HTR4: variants seen among roughly 807,000 people sequenced by gnomAD.
The protein encoded by HTR4 is 5-hydroxytryptamine (serotonin) receptor 4, G protein-coupled.
A neutral mutation model predicts 36.8 loss-of-function variants in HTR4; 16 were observed. The observed-to-expected ratio is 0.43, with a 90% CI of 0.29 to 0.66. The LOEUF is 0.66. HTR4 is among the 30% of genes least tolerant of loss of function. HTR4 has a pLI of 0.13. For missense variants in HTR4, 438 were observed against 490.9 expected (o/e 0.89, Z 1.02); for synonymous variants, 189 against 185.1 (o/e 1.02, Z -0.17).
At position 148,565,278 on chromosome 5, in the gene HTR4, T is replaced by C. The variant is rs115009298; in HGVS notation, c.27-15016A>G. On this transcript the variant is annotated intron_variant, in intron 2 of 6. Coordinates refer to ENST00000377888, the MANE Select transcript of HTR4 (RefSeq NM_000870.7). ...GGTCCTGGTCTTCTAGCTCACAATG[T>C]AGCAAGAAACTAAGCCTGATCAATG... 7.3e-3 allele frequency among the ~76,000 whole-genome samples: 1,115 copies of C among 152,252 alleles called. 20 individuals are homozygous for C. Among genetic ancestry groups the C allele is most frequent in the African/African-American group, 0.026 (1,061 of 41,544 alleles).
At chr5:148,551,163 C>T (rs1759665984) in intron 2 of HTR4, among the ~76,000 whole-genome samples, 1 of 152,166 alleles carries the variant, frequency 6.6e-6, no homozygotes, top group Admixed American at 6.5e-5. Context: ...CATACAGTTA[C>T]TTGGCCTGAA....
chr5:148,482,074 T>C lies in HTR4; in HGVS notation c.*1129A>G, dbSNP rs1755912322. 1 of 980,926 alleles carries C rather than the reference T, an allele frequency of 1.0e-6. No homozygotes were observed. The highest frequency in any genetic ancestry group is 1.2e-6 in the Non-Finnish European group (1 of 825,624). 60.8% of individuals were successfully genotyped at this position (980,926 alleles called of 1,614,324 possible). On this transcript the variant is annotated 3_prime_UTR_variant, in exon 7 of 7. Transcript: ENST00000377888. Reference sequence around the variant, plus strand: ...GGGGTCCAGAGATGAAAGAACACTATTCAAGATCTCACAGCTTGTTTGCAG... The same window carrying C: ...GGGGTCCAGAGATGAAAGAACACTACTCAAGATCTCACAGCTTGTTTGCAG...
At chr5:148,627,079 C>A (rs1468535315) in intron 2 of HTR4, among the ~76,000 whole-genome samples, 1 of 151,994 alleles carries the variant, frequency 6.6e-6, no homozygotes, top group African/African-American at 2.4e-5. Context: ...TGTGTTTTTT[C>A]CTTTACTCTC....
chr5:148,620,521 T>C (rs1435094828), intron 2 of HTR4, among the ~76,000 whole-genome samples: 3 of 152,318 alleles, frequency 2.0e-5, no homozygotes, highest in East Asian at 3.9e-4. Context: ...GGGCTGTAAG[T>C]GGAAAATGCA....
intron 2 of HTR4, among the ~76,000 whole-genome samples, chr5:148,569,281 T>G (rs1318816532): frequency 2.0e-5 from 3 of 152,102 alleles, no homozygotes; most frequent in Non-Finnish European, 4.4e-5. Context: ...CGGCATGTTC[T>G]CACTTATAAG....
chr5:148,607,567 A>T (rs907168879), intron 2 of HTR4, among the ~76,000 whole-genome samples: 2 of 152,008 alleles, frequency 1.3e-5, no homozygotes, highest in African/African-American at 4.8e-5. Flanking sequence ...CTCCATTCCC[A>T]CTTGCAGTTC....
intron 2 of HTR4, among the ~76,000 whole-genome samples, chr5:148,627,347 T>C (rs1753153005): frequency 6.6e-6 from 1 of 152,222 alleles, no homozygotes. Context: ...TGTCGATTTT[T>C]TTAACATTTA....
At chr5:148,515,440 G>A (rs1039135608) in intron 5 of HTR4, among the ~76,000 whole-genome samples, 5 of 152,064 alleles carry the variant, frequency 3.3e-5, no homozygotes, top group African/African-American at 1.2e-4. Context: ...ACTCTGTCCT[G>A]CATTATGGTG....
At chr5:148,647,200 C>G (rs1449537572) in intron 1 of HTR4, among the ~76,000 whole-genome samples, 4 of 152,114 alleles carry the variant, frequency 2.6e-5, no homozygotes, top group African/African-American at 9.7e-5. Flanking sequence ...GTCCTCTGAA[C>G]AATGCAAAAA....
At chr5:148,489,581 T>C (rs1756321275) in intron 6 of HTR4, among the ~76,000 whole-genome samples, 1 of 152,168 alleles carries the variant, frequency 6.6e-6, no homozygotes, top group African/African-American at 2.4e-5. Flanking sequence ...ATTGGAACTG[T>C]GCCTAGAAGA....
chr5:148,493,897 C>G (rs922434921), intron 6 of HTR4, among the ~76,000 whole-genome samples: 7 of 152,136 alleles, frequency 4.6e-5, no homozygotes, highest in African/African-American at 1.7e-4. Flanking sequence ...ACGTTGAATA[C>G]AATTGTAACC....
intron 2 of HTR4, among the ~76,000 whole-genome samples, chr5:148,592,983 T>C (rs896043573): frequency 1.3e-5 from 2 of 152,212 alleles, no homozygotes; most frequent in Admixed American, 1.3e-4. Context: ...GGTTTATTCT[T>C]CATCATAATG....
At chr5:148,615,940 G>T (rs916831350) in intron 2 of HTR4, among the ~76,000 whole-genome samples, 5 of 152,084 alleles carry the variant, frequency 3.3e-5, no homozygotes, top group Non-Finnish European at 1.5e-5. Context: ...GATACAGTTC[G>T]GGCAGTCTCT....
chr5:148,642,328 T>C (rs975182139), intron 1 of HTR4, among the ~76,000 whole-genome samples: 5 of 152,164 alleles, frequency 3.3e-5, no homozygotes, highest in African/African-American at 4.8e-5. Flanking sequence ...TCACTATTCA[T>C]GATCTCAGTT....
At chr5:148,529,938 G>T (rs1284598475) in intron 4 of HTR4, among the ~76,000 whole-genome samples, 1 of 152,134 alleles carries the variant, frequency 6.6e-6, no homozygotes, top group South Asian at 2.1e-4. Context: ...TTTTACCCCT[G>T]CCTTAGAGAT....
intron 1 of HTR4, among the ~76,000 whole-genome samples, chr5:148,652,504 C>T (rs1754070505): frequency 6.6e-6 from 1 of 152,114 alleles, no homozygotes; most frequent in African/African-American, 2.4e-5. Context: ...TCCAGAAGAG[C>T]AGGGTGAAAG....
intron 2 of HTR4, among the ~76,000 whole-genome samples, chr5:148,552,130 C>T (rs560128256): frequency 3.3e-5 from 5 of 152,308 alleles, no homozygotes; most frequent in Non-Finnish European, 2.9e-5. Flanking sequence ...TTCTGTTAAG[C>T]TGGCACAGAA....
chr5:148,652,604 A>G (rs1485889641), intron 1 of HTR4, among the ~76,000 whole-genome samples: 5 of 152,190 alleles, frequency 3.3e-5, no homozygotes, highest in African/African-American at 4.8e-5. Flanking sequence ...CAGAGGAACC[A>G]GAGACACTAC....
chr5:148,576,127 A>AAAAAAAAAC (rs1217340461), intron 2 of HTR4, among the ~76,000 whole-genome samples: 6 of 149,466 alleles, frequency 4.0e-5, no homozygotes, highest in African/African-American at 9.8e-5. Flanking sequence ...AAAAAAAAAA[A>AAAAAAAAAC]AAAAAACAAA....
Sources: allele counts gnomAD v4.1 joint callset (sites outside exome capture counted in the v4.1 genomes callset), GRCh38; gene constraint gnomAD v4.1.1; transcripts MANE v1.5; gene names NCBI Gene and HGNC (gene_info 2026-07-23, HGNC 2026-07-21).